SMARCAD1: variants seen among roughly 807,000 people sequenced by gnomAD.
SMARCAD1 encodes the protein SNF2 related chromatin remodeling ATPase with DExD box 1, also known as SWI/SNF-related matrix-associated actin-dependent regulator of chromatin subfamily A containing DEAD/H box 1.
SMARCAD1 carries 25 observed loss-of-function variants against 127.1 expected under a neutral mutation model. The ratio of observed to expected loss-of-function variants is 0.20; its 90% CI spans 0.14 to 0.27. The LOEUF is 0.27. Ranked by LOEUF, SMARCAD1 falls within the 10% of genes least tolerant of loss-of-function variation. SMARCAD1 has a pLI of 1.00. For missense variants in SMARCAD1, 807 were observed against 1,206.0 expected, an observed-to-expected ratio of 0.67 and a Z score of 4.90; for synonymous variants, 400 against 396.9, an observed-to-expected ratio of 1.01 and a Z score of -0.09.
intron 10 of SMARCAD1, among the ~76,000 whole-genome samples, chr4:94,268,564 C>T (rs532096967): frequency 2.6e-5 from 4 of 152,060 alleles, no homozygotes; most frequent in African/African-American, 7.2e-5. Flanking sequence ...GTGTGTTGAC[C>T]GTAGGATGGG....
Position 94,208,594 on chromosome 4 carries a change from A to G in SMARCAD1, c.190+10A>G. On this transcript the variant is annotated intron_variant, in intron 2 of 23. Coordinates refer to ENST00000354268, the MANE Select transcript of SMARCAD1 (RefSeq NM_020159.5). The stretch of plus-strand genomic sequence containing the variant: ...ATAACTGAAAAAACAGGTGAGTTAC[A>G]ATGTTAAAATTGATGTAACATCAAG... 4 of 1,612,692 alleles carry G rather than the reference A, an allele frequency of 2.5e-6. No homozygotes were observed. In the Admixed American group the frequency reaches 5.0e-5, roughly 20 times the overall value.
At chr4:94,262,820 T>C (rs1316754239) in intron 9 of SMARCAD1, among the ~76,000 whole-genome samples, 6 of 150,180 alleles carry the variant, frequency 4.0e-5, no homozygotes, top group Non-Finnish European at 7.4e-5. Context: ...TGTTTCCCAA[T>C]GTTCGTAGAC....
intron 3 of SMARCAD1, among the ~76,000 whole-genome samples, chr4:94,229,861 G>C (rs1449003122): frequency 3.3e-5 from 5 of 151,396 alleles, no homozygotes; most frequent in African/African-American, 1.2e-4. Flanking sequence ...TATCACTACA[G>C]GTCTTTTCTT....
At chr4:94,280,098 T>C (rs1199521521) in intron 19 of SMARCAD1, among the ~76,000 whole-genome samples, 2 of 152,076 alleles carry the variant, frequency 1.3e-5, no homozygotes, top group African/African-American at 2.4e-5. Context: ...CTCCTGACCT[T>C]AGGTGATTTA....
In SMARCAD1 at chr4:94,290,120, C is replaced by G; in HGVS notation, c.*586C>G. 2.2e-6 allele frequency: 1 copy of G among 454,500 alleles called. No homozygotes were observed. The highest frequency in any genetic ancestry group is 4.4e-6 in the Non-Finnish European group (1 of 226,776). The allele number at this position is 454,500 out of a possible 1,614,324, so 28.2% of individuals were successfully genotyped here. On this transcript the variant is annotated 3_prime_UTR_variant, in exon 24 of 24. Transcript: ENST00000354268. ...CATATACTAACATCCCCCAGGTCCTCTCAAGTACTTCTGCTGAAACAAATT... is the reference window on the plus strand; with the variant it reads ...CATATACTAACATCCCCCAGGTCCTGTCAAGTACTTCTGCTGAAACAAATT...
chr4:94,215,632 TG>T (rs1431200138), intron 2 of SMARCAD1, among the ~76,000 whole-genome samples: 1 of 35,690 alleles, frequency 2.8e-5, no homozygotes, highest in African/African-American at 1.1e-4. Flanking sequence ...AAAAGGGGGG[TG>T]GGGGGGAGGA....
At chr4:94,250,335 A>G (rs891985820) in intron 7 of SMARCAD1, among the ~76,000 whole-genome samples, 3 of 152,088 alleles carry the variant, frequency 2.0e-5, no homozygotes, top group African/African-American at 7.2e-5. Flanking sequence ...ATATGTTCAG[A>G]TAGTACATCT....
chr4:94,223,322 A>G (rs561817180), intron 2 of SMARCAD1, among the ~76,000 whole-genome samples: 2 of 151,952 alleles, frequency 1.3e-5, no homozygotes, highest in African/African-American at 4.8e-5. Context: ...GTGAAACTCC[A>G]TCTCTACTAA....
In SMARCAD1 at chr4:94,240,949, A is replaced by G. The variant is rs753875104; in HGVS notation, c.648A>G (p.Pro216=). The G allele has an allele frequency of 1.5e-5, 24 of 1,613,624 alleles. No homozygotes were observed. Among genetic ancestry groups the G allele is most frequent in the Non-Finnish European group, 1.9e-5 (22 of 1,179,716 alleles). The part of the protein sequence containing the change: ...RKRKLSSSSE[P]YEEDEFNDDQ... ...GAAAATTATCTTCTTCTTCAGAGCC[A>G]TATGAGGAAGATGAATTTAATGATG... Residue 216 remains proline (P), a synonymous_variant, in exon 6 of 24, where the codon CCA becomes CCG. Coordinates refer to ENST00000354268, the MANE Select transcript of SMARCAD1 (RefSeq NM_020159.5).
chr4:94,281,666 C>A (rs1754043551), intron 21 of SMARCAD1, 76 bp downstream of exon 21: 2 of 952,494 alleles, frequency 2.1e-6, no homozygotes, highest in Non-Finnish European at 3.4e-6. Flanking sequence ...GTCTAACAAA[C>A]AATTGATAGT....
In SMARCAD1 at chr4:94,253,266, A is replaced by G. The variant is rs538405330; in HGVS notation, c.1281+259A>G. ...AATACTGTCACTCATTCCTTTGCAT[A>G]GAAACTTCGTTCATTTCACTGCAGA... On this transcript the variant is annotated intron_variant, in intron 9 of 23. Coordinates refer to ENST00000354268, the MANE Select transcript of SMARCAD1 (RefSeq NM_020159.5). 41 of 1,459,540 alleles carry G rather than the reference A, an allele frequency of 2.8e-5. No individual in the cohort carries two copies. In the Middle Eastern group the frequency reaches 5.4e-4, roughly 19 times the overall value. 90.4% of individuals were successfully genotyped at this position (1,459,540 alleles called of 1,614,324 possible).
intron 3 of SMARCAD1, among the ~76,000 whole-genome samples, chr4:94,228,292 G>GA (rs1745319501): frequency 1.3e-5 from 2 of 152,084 alleles, no homozygotes; most frequent in Non-Finnish European, 2.9e-5. Flanking sequence ...AGTCTTTTCA[G>GA]AATTACCCTT....
At chr4:94,250,531 CA>C (rs569438674) in intron 7 of SMARCAD1, among the ~76,000 whole-genome samples, 1 of 151,800 alleles carries the variant, frequency 6.6e-6, no homozygotes, top group Non-Finnish European at 1.5e-5. Context: ...ATTAGAAATG[CA>C]AAAAAATGTC....
intron 3 of SMARCAD1, among the ~76,000 whole-genome samples, chr4:94,231,272 A>G (rs1177128435): frequency 6.6e-6 from 1 of 152,186 alleles, no homozygotes; most frequent in African/African-American, 2.4e-5. Context: ...TTGGGGAGGA[A>G]GAGCTTATGA....
Position 94,290,436 on chromosome 4 carries a change from A to T in SMARCAD1, c.*902A>T. ...GGTGACATTTTTCTAGCCTGGCAGAACAGATTACTTAAAGCTATTTCATTT... is the reference window on the plus strand; with the variant it reads ...GGTGACATTTTTCTAGCCTGGCAGATCAGATTACTTAAAGCTATTTCATTT... On this transcript the variant is annotated 3_prime_UTR_variant, in exon 24 of 24. Transcript: ENST00000354268. 1 of 454,556 alleles carries T rather than the reference A, an allele frequency of 2.2e-6. No homozygotes were observed. Among genetic ancestry groups the T allele is most frequent in the South Asian group, 1.6e-5 (1 of 64,474 alleles). The allele number at this position is 454,556 out of a possible 1,614,324, so 28.2% of individuals were successfully genotyped here.
At position 94,274,966 on chromosome 4, in the gene SMARCAD1, G is replaced by A. The variant is rs1362941758; in HGVS notation, c.1808+1G>A. 6.3e-7 allele frequency: 1 copy of A among 1,591,492 alleles called. No individual in the cohort carries two copies. The highest frequency in any genetic ancestry group is 8.6e-7 in the Non-Finnish European group (1 of 1,161,242). ...AAGATTACAATGTAATTGTGACCAC[G>A]TAAGTATTGAGAAATTTGGGGAGGA... On this transcript the variant is annotated splice_donor_variant, in intron 14 of 23. Coordinates refer to ENST00000354268, the MANE Select transcript of SMARCAD1 (RefSeq NM_020159.5). LOFTEE classifies it high-confidence loss of function.
intron 10 of SMARCAD1, among the ~76,000 whole-genome samples, chr4:94,269,409 G>A (rs1261867483): frequency 6.6e-6 from 1 of 151,952 alleles, no homozygotes; most frequent in African/African-American, 2.4e-5. Context: ...GTGAATATGA[G>A]AATAGGCTTT....
chr4:94,286,774 T>C (rs1553922398), intron 23 of SMARCAD1, among the ~76,000 whole-genome samples: 1 of 152,230 alleles, frequency 6.6e-6, no homozygotes, highest in Non-Finnish European at 1.5e-5. Context: ...TTGCCTGTTA[T>C]GTTCACCTAC....
At chr4:94,221,805 A>G (rs1191297412) in intron 2 of SMARCAD1, among the ~76,000 whole-genome samples, 1 of 152,224 alleles carries the variant, frequency 6.6e-6, no homozygotes, top group Non-Finnish European at 1.5e-5. Flanking sequence ...AAAGCGTACC[A>G]TTTTATTAGG....
Sources: gnomAD v4.1 joint callset for allele counts (sites outside exome capture counted in the v4.1 genomes callset) on GRCh38, gnomAD v4.1.1 for gene constraint, MANE v1.5 for transcripts, NCBI Gene and HGNC (gene_info 2026-07-23, HGNC 2026-07-21) for gene names.